EDC3: variants seen among roughly 807,000 people sequenced by gnomAD.
EDC3 encodes enhancer of mRNA decapping 3, also known as enhancer of mRNA-decapping protein 3.
In EDC3, 20 loss-of-function variants were observed where a neutral mutation model predicts 41.8. That is an observed-to-expected ratio of 0.48 (90% CI 0.34 to 0.70). The LOEUF is 0.70. Ranked by LOEUF, EDC3 falls within the 30% of genes least tolerant of loss-of-function variation. The probability of loss-of-function intolerance (pLI) is 0.01; values close to 1 mark genes in which losing one functional copy is unlikely to be tolerated. For synonymous variants in EDC3, 206 were observed against 243.2 expected, an observed-to-expected ratio of 0.85 and a Z score of 1.42; for missense variants, 444 against 636.8, an observed-to-expected ratio of 0.70 and a Z score of 3.26.
intron 1 of EDC3, among the ~76,000 whole-genome samples, chr15:74,688,081 T>C (rs1248056997): frequency 6.6e-6 from 1 of 152,200 alleles, no homozygotes; most frequent in Admixed American, 6.6e-5. Flanking sequence ...ACTGAATGTG[T>C]AACAAACTTC....
chr15:74,647,978 G>A (rs2062436645), intron 4 of EDC3, among the ~76,000 whole-genome samples: 2 of 152,206 alleles, frequency 1.3e-5, no homozygotes, highest in South Asian at 4.1e-4. Context: ...GTTGGGGAAT[G>A]AAGTTGGGGA....
chr15:74,665,362 CCTTAA>C (rs1018157938), intron 3 of EDC3, among the ~76,000 whole-genome samples: 5 of 152,150 alleles, frequency 3.3e-5, no homozygotes, highest in East Asian at 1.9e-4. Flanking sequence ...GGCAAAAGAG[CCTTAA>C]CTTAACTGTT....
chr15:74,654,351 A>T (rs1208089033), intron 4 of EDC3, among the ~76,000 whole-genome samples: 2 of 152,172 alleles, frequency 1.3e-5, no homozygotes, highest in Non-Finnish European at 2.9e-5. Flanking sequence ...GACTACAGAT[A>T]TAGAGAGCTA....
At chr15:74,640,696 T>G in intron 4 of EDC3, 77 bp from the exon 5 acceptor site, 1,979 of 1,562,256 alleles carry the variant, frequency 1.3e-3, no homozygotes, top group Non-Finnish European at 1.5e-3. Context: ...CTATCCAAGA[T>G]TCTGCAAATG....
At chr15:74,658,291 C>A (rs142330295) in intron 3 of EDC3, among the ~76,000 whole-genome samples, 2 of 152,146 alleles carry the variant, frequency 1.3e-5, no homozygotes, top group African/African-American at 4.8e-5. Flanking sequence ...ACTAAACCAA[C>A]TATGCTGCCC....
chr15:74,635,050 C>G (rs766169512), intron 6 of EDC3: 8 of 481,688 alleles, frequency 1.7e-5, no homozygotes, highest in Non-Finnish European at 3.3e-5. Flanking sequence ...ACATCACTTA[C>G]TACAACTACA....
chr15:74,639,628 T>C (rs764260836), intron 5 of EDC3: 45 of 151,950 alleles, frequency 3.0e-4, no homozygotes, highest in African/African-American at 1.1e-3. Context: ...GGTGGGAGAA[T>C]TGCTCAAGCT....
intron 3 of EDC3, 65 bp from the exon 4 acceptor site, chr15:74,656,133 A>G (rs1567164919): frequency 7.0e-7 from 1 of 1,428,656 alleles, no homozygotes; most frequent in Admixed American, 2.1e-5. Flanking sequence ...CGTGGAAAAT[A>G]CATTAGTCTT....
At chr15:74,646,798 T>C (rs1199110830) in intron 4 of EDC3, among the ~76,000 whole-genome samples, 7 of 151,978 alleles carry the variant, frequency 4.6e-5, no homozygotes, top group African/African-American at 1.7e-4. Flanking sequence ...CCAAGGAGAA[T>C]TGATTTCAAG....
chr15:74,655,712 G>A, intron 4 of EDC3, 21 bp downstream of exon 4: 2 of 1,584,948 alleles, frequency 1.3e-6, no homozygotes, highest in Non-Finnish European at 8.6e-7. Flanking sequence ...CCAGCAGGAT[G>A]TGGGACCTGA....
At position 74,654,253 on chromosome 15, in the gene EDC3, CAA is replaced by C. The variant is rs61594463; in HGVS notation, c.820+1478_820+1479del. Among the ~76,000 whole-genome samples the C allele has an allele frequency of 3.3e-3, 320 of 96,612 alleles. 1 individual carries two copies. The highest frequency in any genetic ancestry group is 5.6e-3 in the East Asian group (23 of 4,084). The allele number at this position is 96,612 out of a possible 152,430, so 63.4% of individuals were successfully genotyped here. On this transcript the variant is annotated intron_variant, in intron 4 of 6. Transcript: ENST00000315127. ...TGGGCAACAGAGTGAGACTTCGTCT[CAA>C]AAAAAAAAAAAAAAAATCCTGCAGT...
chr15:74,689,669 T>C (rs7182811), intron 1 of EDC3, among the ~76,000 whole-genome samples: 152,283 of 152,288 alleles, frequency 1, 76,139 homozygotes, highest in Middle Eastern at 1. Context: ...GGACTACAGG[T>C]GCCCGCCACC....
intron 4 of EDC3, among the ~76,000 whole-genome samples, chr15:74,646,942 C>T (rs2062425979): frequency 6.6e-6 from 1 of 151,376 alleles, no homozygotes; most frequent in Non-Finnish European, 1.5e-5. Context: ...GTTGCCAAGG[C>T]TGCTACAGAA....
At chr15:74,685,275 T>C (rs2062922135) in intron 1 of EDC3, among the ~76,000 whole-genome samples, 1 of 151,954 alleles carries the variant, frequency 6.6e-6, no homozygotes, top group Non-Finnish European at 1.5e-5. Context: ...CACATGCCTG[T>C]AATACAAGCT....
Position 74,630,823 on chromosome 15 carries a change from C to G in EDC3, c.*1789G>C, listed in dbSNP as rs1464887037. The G allele has an allele frequency of 6.6e-6, 1 of 152,314 alleles. No individual in the cohort carries two copies. Among genetic ancestry groups the G allele is most frequent in the Non-Finnish European group, 1.5e-5 (1 of 68,130 alleles). 9.4% of individuals were successfully genotyped at this position (152,314 alleles called of 1,614,324 possible). On this transcript the variant is annotated 3_prime_UTR_variant, in exon 7 of 7. Coordinates refer to ENST00000315127, the MANE Select transcript of EDC3 (RefSeq NM_025083.5). ...GCTTGGGCACAAACTCCCAGTGGCC[C>G]TGCAAGGCTATCATCCCTGGATCTT...
rs779114659 is a variant in EDC3, at chr15:74,671,584, T to C, written c.355A>G (p.Lys119Glu). The C allele has an allele frequency of 1.9e-6, 3 of 1,614,056 alleles. No individual in the cohort carries two copies. Among genetic ancestry groups the C allele is most frequent in the Non-Finnish European group, 2.5e-6 (3 of 1,180,036 alleles). The change falls in exon 3 of 7, where the codon AAG becomes GAG. Residue 119 changes from lysine (K) to glutamate (E), a missense_variant. By Grantham distance (56) the Lys-to-Glu change is moderately conservative (BLOSUM62 1). Transcript: ENST00000315127. The surrounding 1 kb of genome is among the most constrained non-coding windows in gnomAD (Gnocchi z 4.6). ...TCCTGGCTCTTCACATCTGTCCTCT[T>C]AGGGATATTCTGAGGGGCACTGCTG... Reference protein sequence around the residue: ...SSSSAPQNIPKRTDVKSQDVA... With the variant: ...SSSSAPQNIPERTDVKSQDVA...
chr15:74,667,944 G>A (rs1278110062), intron 3 of EDC3, among the ~76,000 whole-genome samples: 2 of 152,156 alleles, frequency 1.3e-5, no homozygotes, highest in African/African-American at 4.8e-5. Context: ...TCACTTTACA[G>A]AGGAGAAACT....
At chr15:74,695,463 C>T (rs1318741302) in intron 1 of EDC3, 2 of 152,164 alleles carry the variant, frequency 1.3e-5, no homozygotes, top group Admixed American at 1.3e-4. Flanking sequence ...TTTTTCTACC[C>T]TCCAGTTCAT....
intron 1 of EDC3, among the ~76,000 whole-genome samples, chr15:74,693,986 CA>C (rs879928519): frequency 2.2e-4 from 31 of 140,334 alleles, no homozygotes; most frequent in Admixed American, 1.1e-3. Flanking sequence ...GACTCCATCT[CA>C]AAAAAAAAAA....
Sources: gnomAD v4.1 joint callset for allele counts (sites outside exome capture counted in the v4.1 genomes callset) on GRCh38, gnomAD v4.1.1 for gene constraint, Gnocchi (gnomAD v3.1) non-coding constraint, MANE v1.5 for transcripts, NCBI Gene and HGNC (gene_info 2026-07-23, HGNC 2026-07-21) for gene names.